The following ANKRD35 variants were observed in gnomAD, a reference collection of about 807,000 sequenced individuals.
The protein encoded by ANKRD35 is ankyrin repeat domain-containing protein 35.
In ANKRD35, 102 loss-of-function variants were observed where a neutral mutation model predicts 109.9. The observed-to-expected ratio is 0.93, with a 90% CI of 0.79 to 1.09. The LOEUF is 1.09. Among genes scored for constraint, ANKRD35 ranks in the 50% least tolerant of loss-of-function variants. The pLI, the probability that ANKRD35 is intolerant of heterozygous loss-of-function variation, is 0.00. For missense variants in ANKRD35, 1,240 were observed against 1,230.1 expected (o/e 1.01, Z -0.12); for synonymous variants, 515 against 512.4 (o/e 1.01, Z -0.07).
At chr1:145,879,437 G>A (rs782473417) in intron 1 of ANKRD35, 49 bp from the exon 2 acceptor site, 1 of 1,386,818 alleles carries the variant, frequency 7.2e-7, no homozygotes, top group Non-Finnish European at 9.4e-7. Flanking sequence ...AGGGTAGTGT[G>A]GAGAAAGAAA....
At chr1:145,879,478 G>GA in intron 1 of ANKRD35, 90 bp from the exon 2 acceptor site, 1 of 1,319,096 alleles carries the variant, frequency 7.6e-7, no homozygotes, top group Non-Finnish European at 9.9e-7. Flanking sequence ...CCAAATGAGA[G>GA]AAAAGGAACA....
chr1:145,884,469 A>G (rs1553741578), intron 1 of ANKRD35, among the ~76,000 whole-genome samples: 1 of 152,222 alleles, frequency 6.6e-6, no homozygotes, highest in Non-Finnish European at 1.5e-5. Context: ...TACTAAGTCA[A>G]GTTAGCAAAG....
rs1553740238 is a variant in ANKRD35 at position 145,876,907 on chromosome 1, C to T, written c.325-34G>A. 3 of 1,612,756 alleles carry T rather than the reference C, an allele frequency of 1.9e-6. No individual in the cohort carries two copies. The East Asian group carries it at 6.7e-5, about 36-fold the overall frequency. On this transcript the variant is annotated intron_variant, in intron 4 of 13. Transcript: ENST00000355594. ...GGCCACAAAGGGAAGCAGCATGGAG[C>T]TTGGTGTTAACATCCTCATCCCATA...
intron 1 of ANKRD35, among the ~76,000 whole-genome samples, chr1:145,883,498 A>G (rs1278146769): frequency 1.3e-5 from 2 of 152,342 alleles, no homozygotes; most frequent in East Asian, 1.9e-4. Context: ...CTAAAATAAA[A>G]TGGGATTATA....
Position 145,873,278 on chromosome 1 carries a change from C to T in ANKRD35, c.1491G>A (p.Glu497=), listed in dbSNP as rs1553739290. The change falls in exon 10 of 14, where the codon GAG becomes GAA. Residue 497 remains glutamate, a synonymous_variant. Transcript: ENST00000355594. Reference sequence around the variant, plus strand: ...TTTCTCGCCACACTGCAGCAAGCTCCTCCCTTAGTTGAAGCAGAAGCTGGT... The same window carrying T: ...TTTCTCGCCACACTGCAGCAAGCTCTTCCCTTAGTTGAAGCAGAAGCTGGT... ...AMNQLLLQLR[E]ELAAVWREKD... is the part of the protein sequence containing the mutation. The T allele has an allele frequency of 6.2e-7, 1 of 1,614,144 alleles. No homozygotes were observed. Among genetic ancestry groups the T allele is most frequent in the East Asian group, 2.2e-5 (1 of 44,880 alleles).
At position 145,872,067 on chromosome 1, in the gene ANKRD35, C is replaced by T; in HGVS notation, c.2702G>A (p.Arg901His). The T allele has an allele frequency of 1.2e-6, 2 of 1,613,582 alleles. No individual in the cohort carries two copies. The highest frequency in any genetic ancestry group is 2.2e-5 in the East Asian group (1 of 44,862). Reference protein sequence around the residue: ...QERQASEMRGRSEQFEKTAEL... With the variant: ...QERQASEMRGHSEQFEKTAEL... ...TGCCGTTTTCTCAAACTGCTCGGAG[C>T]GCCCCCGCATCTCGCTGGCCTGGCG... is the stretch of plus-strand genomic sequence containing the variant. Residue 901 changes from arginine (R) to histidine (H), a missense_variant, in exon 10 of 14, where the codon CGC (arginine) becomes CAC (histidine). Physicochemically the swap from Arg to His is conservative, Grantham distance 29. Transcript: ENST00000355594.
At position 145,874,989 on chromosome 1, in the gene ANKRD35, G is replaced by T. The variant is rs1553739810; in HGVS notation, c.578C>A (p.Ala193Asp). 1.2e-6 allele frequency: 2 copies of T among 1,606,806 alleles called. No homozygotes were observed. The highest frequency in any genetic ancestry group is 1.7e-6 in the Non-Finnish European group (2 of 1,176,636). The change falls in exon 8 of 14, where the codon GCC becomes GAC. Residue 193 changes from alanine to aspartate, a missense_variant. Ala to Asp is a moderately radical substitution (Grantham distance 126). Coordinates refer to ENST00000355594, the MANE Select transcript of ANKRD35 (RefSeq NM_144698.5). ...DKNDKSALIL[A>D]CEKGSAEVAE... ...CACCTCGGCACTGCCTTTCTCACAG[G>T]CCAGGATCAAAGCCGATCTGTGGGT... is the stretch of plus-strand genomic sequence containing the variant.
chr1:145,870,636 G>A (rs1369797528), intron 10 of ANKRD35, among the ~76,000 whole-genome samples: 3 of 151,934 alleles, frequency 2.0e-5, no homozygotes, highest in Non-Finnish European at 2.9e-5. Flanking sequence ...ACCTCAACCC[G>A]CACTGATTCC....
In ANKRD35 at chr1:145,879,128, T is replaced by C. The variant is rs1654193907; in HGVS notation, c.170+130A>G. 5 of 1,220,302 alleles carry C rather than the reference T, an allele frequency of 4.1e-6. No homozygotes were observed. The African/African-American group carries it at 6.2e-5, about 15-fold the overall frequency. The allele number at this position is 1,220,302 out of a possible 1,614,324, so 75.6% of individuals were successfully genotyped here. A position where few individuals can be genotyped will look rare whatever the true frequency, so the allele number is the denominator to read the frequency against. Reference sequence around the variant, plus strand: ...CTTATATGTAGCAAAAAACTATTGATATACTTGCTAATTAAGACAATGAAA... The same window carrying C: ...CTTATATGTAGCAAAAAACTATTGACATACTTGCTAATTAAGACAATGAAA... On this transcript the variant is annotated intron_variant, in intron 2 of 13. Transcript: ENST00000355594.
rs1427723170 is a variant in ANKRD35 at position 145,872,638 on chromosome 1, C to A, written c.2131G>T (p.Asp711Tyr). 6.2e-7 allele frequency: 1 copy of A among 1,613,942 alleles called. No homozygotes were observed. The highest frequency in any genetic ancestry group is 1.3e-5 in the African/African-American group (1 of 74,952). The change falls in exon 10 of 14, where the codon GAC becomes TAC. Residue 711 changes from aspartate (D) to tyrosine (Y), a missense_variant. By Grantham distance (160) the Asp-to-Tyr change is radical (BLOSUM62 -3). Coordinates refer to ENST00000355594, the MANE Select transcript of ANKRD35 (RefSeq NM_144698.5). ...LRGLWDCLPA[D>Y]LVGERSAQSK... ...TGTGCACTCCTCTCGCCCACTAGGT[C>A]TGCGGGCAGGCAGTCCCACAGCCCT...
Position 145,876,173 on chromosome 1 carries a change from C to G in ANKRD35, c.527G>C (p.Gly176Ala), listed in dbSNP as rs781931581. ...CTTGTCTGTAACATTAACTCGGGCGCCTCGCTGCAGCAGCTGTGAGCAGAT... is the reference window on the plus strand; with the variant it reads ...CTTGTCTGTAACATTAACTCGGGCGGCTCGCTGCAGCAGCTGTGAGCAGAT... ...AAICSQLLQR[G>A]ARVNVTDKND... Residue 176 changes from glycine (G) to alanine (A), a missense_variant, in exon 7 of 14, where the codon GGC becomes GCC. Physicochemically the swap from Gly to Ala is moderately conservative, Grantham distance 60 (BLOSUM62 0). Transcript: ENST00000355594. 1.9e-6 allele frequency: 3 copies of G among 1,613,998 alleles called. No individual in the cohort carries two copies. Among genetic ancestry groups the G allele is most frequent in the Middle Eastern group, 1.6e-4 (1 of 6,062 alleles).
intron 7 of ANKRD35, among the ~76,000 whole-genome samples, 155 bp from the exon 8 acceptor site, chr1:145,875,161 T>C (rs1453400940): frequency 1.3e-5 from 2 of 152,102 alleles, no homozygotes; most frequent in Non-Finnish European, 2.9e-5. Context: ...TTTTTTTTTT[T>C]TGAGACGGAG....
chr1:145,878,153 C>T (rs1553740473), intron 3 of ANKRD35, 121 bp from the exon 4 acceptor site: 1 of 1,056,014 alleles, frequency 9.5e-7, no homozygotes, highest in African/African-American at 1.6e-5. Flanking sequence ...CTTTCAGCCA[C>T]ACGGGGCCAG....
chr1:145,876,534 G>T (rs781871250), intron 6 of ANKRD35, 35 bp downstream of exon 6: 1 of 1,613,406 alleles, frequency 6.2e-7, no homozygotes, highest in South Asian at 1.1e-5. Context: ...GCCCTTCTGT[G>T]TAGGACACTG....
At chr1:145,871,121 T>TTTTCTTTCTTTCTTTCTTTC (rs146033160) in intron 10 of ANKRD35, among the ~76,000 whole-genome samples, 13 of 112,446 alleles carry the variant, frequency 1.2e-4, no homozygotes, top group African/African-American at 4.3e-4. Flanking sequence ...TTCAAGCTTT[T>TTTTCTTTCTTTCTTTCTTTC]TTTCTTTCTT....
intron 10 of ANKRD35, among the ~76,000 whole-genome samples, chr1:145,868,982 A>G (rs1653706608): frequency 6.6e-6 from 1 of 152,204 alleles, no homozygotes; most frequent in African/African-American, 2.4e-5. Context: ...AACTCAGTTT[A>G]AAAAGACTAA....
intron 1 of ANKRD35, among the ~76,000 whole-genome samples, chr1:145,882,920 T>C (rs587721038): frequency 6.6e-6 from 1 of 152,286 alleles, no homozygotes; most frequent in East Asian, 1.9e-4. Context: ...CTTCTCCTTA[T>C]ATCTCTGGCT....
At chr1:145,867,805 CCTT>C (rs1653662693) in intron 12 of ANKRD35, among the ~76,000 whole-genome samples, 183 bp downstream of exon 12, 1 of 152,124 alleles carries the variant, frequency 6.6e-6, no homozygotes, top group African/African-American at 2.4e-5. Flanking sequence ...AAACACCTCT[CCTT>C]CTCACATTCA....
rs1653924478 is a variant in ANKRD35 at position 145,873,339 on chromosome 1, C to G, written c.1430G>C (p.Gly477Ala). 6.2e-7 allele frequency: 1 copy of G among 1,614,200 alleles called. No individual in the cohort carries two copies. Among genetic ancestry groups the G allele is most frequent in the Non-Finnish European group, 8.5e-7 (1 of 1,180,026 alleles). Residue 477 changes from glycine (G) to alanine (A), a missense_variant, in exon 10 of 14, where the codon GGC becomes GCC. Gly to Ala is a moderately conservative substitution (Grantham distance 60, BLOSUM62 0). Transcript: ENST00000355594. ...SSQVLGVEPG[G>A]TVAEPVGPAA... ...TGGGCCCACTGGTTCAGCCACTGTG[C>G]CTCCTGGTTCAACTCCTAGAACCTG...
Sources: allele counts gnomAD v4.1 joint callset (sites outside exome capture counted in the v4.1 genomes callset), GRCh38; gene constraint gnomAD v4.1.1; transcripts MANE v1.5; gene names NCBI Gene and HGNC (gene_info 2026-07-23, HGNC 2026-07-21).